Variants in PACRG observed in about 807,000 individuals in gnomAD.
PACRG encodes parkin coregulated, also known as parkin coregulated gene protein.
PACRG carries 29 observed loss-of-function variants against 29.7 expected under a neutral mutation model. The observed-to-expected ratio is 0.98, with a 90% CI of 0.73 to 1.33. The LOEUF (loss-of-function observed/expected upper bound fraction) is 1.33, where lower values mean the gene tolerates loss of function less well. PACRG is among the 40% of genes most tolerant of loss of function. The probability of loss-of-function intolerance (pLI) is 0.00; values close to 1 mark genes in which losing one functional copy is unlikely to be tolerated. For missense variants in PACRG, 279 were observed against 316.2 expected (o/e 0.88, Z 0.89); for synonymous variants, 116 against 118.7 (o/e 0.98, Z 0.15).
intron 4 of PACRG, among the ~76,000 whole-genome samples, chr6:163,195,730 A>T (rs1489570977): frequency 6.6e-6 from 1 of 152,154 alleles, no homozygotes; most frequent in Non-Finnish European, 1.5e-5. Context: ...CTGCCGGGAA[A>T]TGGAGATTCT....
chr6:162,783,817 C>T (rs549671679), intron 1 of PACRG, among the ~76,000 whole-genome samples: 1 of 152,176 alleles, frequency 6.6e-6, no homozygotes, highest in Admixed American at 6.5e-5. Flanking sequence ...GTCCCTCTAA[C>T]AGCATATAAG....
chr6:162,868,470 A>C (rs779692032), intron 2 of PACRG, among the ~76,000 whole-genome samples: 5 of 152,214 alleles, frequency 3.3e-5, no homozygotes, highest in Admixed American at 2.0e-4. Flanking sequence ...GCCGCAGCAC[A>C]GTGGTGAGAT....
chr6:162,795,978 G>A (rs1187897973), intron 1 of PACRG, among the ~76,000 whole-genome samples: 1 of 152,030 alleles, frequency 6.6e-6, no homozygotes, highest in African/African-American at 2.4e-5. Flanking sequence ...ATTTTCAGGT[G>A]GTTTTCTCTG....
upstream of PACRG, chr6:162,727,362 C>A: frequency 2.4e-6 from 1 of 414,804 alleles, no homozygotes; most frequent in South Asian, 3.2e-5. Flanking sequence ...CCACACGGTC[C>A]GGGGGACCGC....
intron 2 of PACRG, among the ~76,000 whole-genome samples, chr6:162,981,893 A>G (rs1345022777): frequency 1.4e-5 from 2 of 145,564 alleles, no homozygotes; most frequent in African/African-American, 5.1e-5. Flanking sequence ...CTGTGAATCC[A>G]TCTGGTCCTG....
intron 2 of PACRG, among the ~76,000 whole-genome samples, chr6:162,983,051 T>C (rs1802564481): frequency 6.6e-6 from 1 of 152,084 alleles, no homozygotes; most frequent in Admixed American, 6.6e-5. Context: ...TTTATCATTA[T>C]ATGATGTCCC....
In PACRG at chr6:163,301,288, G is replaced by A. The variant is rs756784700; in HGVS notation, c.614-13539G>A. Among the ~76,000 whole-genome samples the A allele has an allele frequency of 3.3e-5, 5 of 152,220 alleles. No homozygotes were observed. The East Asian group carries it at 7.7e-4, about 23-fold the overall frequency. ...GAGCTACCATCCTTCAGATGACCACGTCTGGGTGCCATTTGCAGAAGAAGA... is the reference window on the plus strand; with the variant it reads ...GAGCTACCATCCTTCAGATGACCACATCTGGGTGCCATTTGCAGAAGAAGA... On this transcript the variant is annotated intron_variant, in intron 4 of 4. Transcript: ENST00000366888.
At chr6:163,037,741 G>GCACA (rs140450249) in intron 2 of PACRG, among the ~76,000 whole-genome samples, 73 of 151,822 alleles carry the variant, frequency 4.8e-4, no homozygotes, top group African/African-American at 1.7e-3. Context: ...GCACATGCAT[G>GCACA]CACACACACA....
At chr6:162,996,147 C>G (rs1187725589) in intron 2 of PACRG, among the ~76,000 whole-genome samples, 1 of 152,106 alleles carries the variant, frequency 6.6e-6, no homozygotes, top group African/African-American at 2.4e-5. Flanking sequence ...TGCATGCACA[C>G]ACACACCACA....
intron 2 of PACRG, among the ~76,000 whole-genome samples, chr6:162,868,951 T>G (rs1015534154): frequency 7.2e-5 from 11 of 152,180 alleles, no homozygotes; most frequent in African/African-American, 2.7e-4. Context: ...GCTCCTAAGT[T>G]AGACTGGTAG....
chr6:162,885,742 A>ATGTG (rs145946593), intron 2 of PACRG, among the ~76,000 whole-genome samples: 1 of 151,398 alleles, frequency 6.6e-6, no homozygotes, highest in African/African-American at 2.4e-5. Flanking sequence ...GTTGACTTGC[A>ATGTG]TGTGTGTGTG....
chr6:162,950,376 C>T (rs1185986101), intron 2 of PACRG, among the ~76,000 whole-genome samples: 3 of 151,948 alleles, frequency 2.0e-5, no homozygotes, highest in African/African-American at 7.2e-5. Context: ...GGCGTGGTGG[C>T]GAGCGCCTGT....
In PACRG at chr6:163,286,850, GTATT is replaced by G. The variant is rs57264351; in HGVS notation, c.614-27973_614-27970del. On this transcript the variant is annotated intron_variant, in intron 4 of 4. Coordinates refer to ENST00000366888, the MANE Select transcript of PACRG (RefSeq NM_001080379.2). Reference sequence around the variant, plus strand: ...CATGTGTGTATGTATATGCATATGTGTATTTATGTGTGTGTTTATGTGTACACGT... The same window carrying G: ...CATGTGTGTATGTATATGCATATGTGTATGTGTGTGTTTATGTGTACACGT... Among the ~76,000 whole-genome samples the G allele has an allele frequency of 3.7e-3, 560 of 152,284 alleles. 4 individuals are homozygous for G. The highest frequency in any genetic ancestry group is 0.013 in the African/African-American group (521 of 41,562).
intron 4 of PACRG, among the ~76,000 whole-genome samples, chr6:163,274,399 T>C (rs951098975): frequency 3.3e-5 from 5 of 152,240 alleles, no homozygotes; most frequent in Non-Finnish European, 5.9e-5. Flanking sequence ...CCATGGTGTT[T>C]ATGTGCCACA....
At chr6:162,923,933 T>C (rs923853295) in intron 2 of PACRG, among the ~76,000 whole-genome samples, 4 of 152,126 alleles carry the variant, frequency 2.6e-5, no homozygotes, top group African/African-American at 4.8e-5. Context: ...ATTGGTATTT[T>C]GATAGAGATT....
intron 4 of PACRG, among the ~76,000 whole-genome samples, chr6:163,261,413 G>C (rs974734885): frequency 6.6e-6 from 1 of 151,436 alleles, no homozygotes; most frequent in African/African-American, 2.4e-5. Flanking sequence ...CCCTCCCCTT[G>C]CCCCCCACCC....
At chr6:163,115,729 C>G (rs1195087986) in intron 4 of PACRG, among the ~76,000 whole-genome samples, 1 of 152,182 alleles carries the variant, frequency 6.6e-6, no homozygotes, top group Non-Finnish European at 1.5e-5. Context: ...GAGAGCAGGC[C>G]AGGCCCCCTT....
chr6:162,771,167 T>G lies in PACRG; in HGVS notation c.156+42776T>G, dbSNP rs375209850. 6.8e-4 allele frequency among the ~76,000 whole-genome samples: 103 copies of G among 152,302 alleles called. No individual in the cohort carries two copies. The East Asian group carries it at 0.01, about 15-fold the overall frequency. On this transcript the variant is annotated intron_variant, in intron 1 of 4. Transcript: ENST00000366888. ...TATTACCATTTTAGTTACTTTATGA[T>G]GAAATAACCTTGTTATTGCCATTCA...
At chr6:163,208,722 G>A (rs1781011185) in intron 4 of PACRG, among the ~76,000 whole-genome samples, 1 of 152,122 alleles carries the variant, frequency 6.6e-6, no homozygotes, top group African/African-American at 2.4e-5. Flanking sequence ...CTAACTTGGA[G>A]AAAGGAACAC....
Sources: gnomAD v4.1 joint callset for allele counts (sites outside exome capture counted in the v4.1 genomes callset) on GRCh38, gnomAD v4.1.1 for gene constraint, MANE v1.5 for transcripts, NCBI Gene and HGNC (gene_info 2026-07-23, HGNC 2026-07-21) for gene names.